The following TAF1B variants were observed in gnomAD, a reference collection of about 807,000 sequenced individuals.
TAF1B encodes the protein TATA-box binding protein associated factor, RNA polymerase I subunit B, also known as TATA box-binding protein-associated factor RNA polymerase I subunit B.
TAF1B carries 61 observed loss-of-function variants against 83.9 expected under a neutral mutation model. That is an observed-to-expected ratio of 0.73 (90% CI 0.59 to 0.90). TAF1B has a LOEUF of 0.90. TAF1B is among the 40% of genes least tolerant of loss of function. The pLI, the probability that TAF1B is intolerant of heterozygous loss-of-function variation, is 0.00. For missense variants in TAF1B, 625 were observed against 677.0 expected (o/e 0.92, Z 0.85); for synonymous variants, 221 against 224.6 (o/e 0.98, Z 0.14).
chr2:9,901,438 C>T (rs1572266024), intron 8 of TAF1B, among the ~76,000 whole-genome samples: 3 of 152,220 alleles, frequency 2.0e-5, no homozygotes, highest in Non-Finnish European at 1.5e-5. Flanking sequence ...CATGTATCAG[C>T]TTTTAGTGTG....
Position 9,919,658 on chromosome 2 carries a change from G to GAA in TAF1B, c.1410_1411dup (p.Ser471LysfsTer29). The GAA allele has an allele frequency of 6.2e-7, 1 of 1,613,182 alleles. No homozygotes were observed. Among genetic ancestry groups the GAA allele is most frequent in the Non-Finnish European group, 8.5e-7 (1 of 1,179,524 alleles). On this transcript the variant is annotated frameshift_variant, in exon 14 of 15. Coordinates refer to ENST00000263663, the MANE Select transcript of TAF1B (RefSeq NM_005680.3). LOFTEE classifies it high-confidence loss of function. ...CTGGTCGAGTCAACAGCAACTGCTG[G>GAA]AAAAAAAAGCCCTTCAAGTTTTCAG...
chr2:9,845,337 T>A lies in TAF1B; in HGVS notation c.117+19T>A, dbSNP rs549219713. ...TACAGAGGTAAGTAACAAATATCAT[T>A]TATGAATTTGCTTATGTTTTAAAAA... On this transcript the variant is annotated intron_variant, in intron 2 of 14. Coordinates refer to ENST00000263663, the MANE Select transcript of TAF1B (RefSeq NM_005680.3). 75 of 1,598,622 alleles carry A rather than the reference T, an allele frequency of 4.7e-5. No individual in the cohort carries two copies. In the South Asian group the frequency reaches 7.7e-4, roughly 16 times the overall value.
At chr2:9,920,322 C>CA (rs1380764960) in intron 14 of TAF1B, among the ~76,000 whole-genome samples, 2 of 152,152 alleles carry the variant, frequency 1.3e-5, no homozygotes, top group African/African-American at 4.8e-5. Flanking sequence ...ATAGCAGGAT[C>CA]AAGTTCAGGA....
chr2:9,916,184 G>A (rs1412570328), intron 12 of TAF1B, among the ~76,000 whole-genome samples: 2 of 152,202 alleles, frequency 1.3e-5, no homozygotes, highest in Non-Finnish European at 2.9e-5. Context: ...GAACTACACT[G>A]AAAAGAGTAA....
intron 6 of TAF1B, among the ~76,000 whole-genome samples, chr2:9,873,353 TTG>T (rs1664226225): frequency 6.6e-6 from 1 of 152,216 alleles, no homozygotes; most frequent in Non-Finnish European, 1.5e-5. Context: ...TTTTGAGACT[TTG>T]TGTTTAAGAA....
chr2:9,902,588 A>G (rs961774488), intron 8 of TAF1B, among the ~76,000 whole-genome samples: 1 of 152,226 alleles, frequency 6.6e-6, no homozygotes, highest in Non-Finnish European at 1.5e-5. Flanking sequence ...CACTTACTGA[A>G]CACTGTTCTA....
At chr2:9,923,189 GAGCACACCACTGCACTC>G (rs1269962368) in intron 14 of TAF1B, among the ~76,000 whole-genome samples, 3 of 145,360 alleles carry the variant, frequency 2.1e-5, no homozygotes, top group African/African-American at 7.7e-5. Context: ...AGTGAGCTGA[GAGCACACCACTGCACTC>G]CAGCCTGGGC....
rs1168845334 is a variant in TAF1B at position 9,851,635 on chromosome 2, A to G, written c.300A>G (p.Leu100=). Residue 100 remains leucine (L), a synonymous_variant, in exon 4 of 15, where the codon TTA becomes TTG. Coordinates refer to ENST00000263663, the MANE Select transcript of TAF1B (RefSeq NM_005680.3). The part of the protein sequence containing the change: ...ALKNLGVGPE[L]KNDVLHNFWK... ...AGAACCTTGGAGTAGGCCCAGAGTT[A>G]AAGGTAAGTACATTTGTGACTAGAT... The G allele has an allele frequency of 1.2e-6, 2 of 1,607,266 alleles. No individual in the cohort carries two copies. Among genetic ancestry groups the G allele is most frequent in the East Asian group, 2.2e-5 (1 of 44,762 alleles).
At chr2:9,876,968 A>G (rs531024515) in intron 7 of TAF1B, among the ~76,000 whole-genome samples, 70 of 152,306 alleles carry the variant, frequency 4.6e-4, no homozygotes, top group African/African-American at 1.7e-3. Flanking sequence ...AGCCCCTTTG[A>G]TTAAATGTAA....
At chr2:9,919,169 A>G (rs1254430265) in intron 13 of TAF1B, 58 bp downstream of exon 13, 2 of 1,419,568 alleles carry the variant, frequency 1.4e-6, no homozygotes, top group Non-Finnish European at 2.0e-6. Flanking sequence ...GAAAAATTAA[A>G]TATCTGGACT....
At chr2:9,885,380 AAAG>A (rs1223824732) in intron 8 of TAF1B, among the ~76,000 whole-genome samples, 2 of 152,382 alleles carry the variant, frequency 1.3e-5, no homozygotes, top group East Asian at 3.9e-4. Context: ...ACTGGTACAG[AAAG>A]AATAATTGAT....
At chr2:9,862,994 C>T in intron 5 of TAF1B, among the ~76,000 whole-genome samples, 1 of 152,118 alleles carries the variant, frequency 6.6e-6, no homozygotes, top group Admixed American at 6.5e-5. Flanking sequence ...AAAAACATGC[C>T]AAATTGTAAA....
chr2:9,874,840 G>C (rs1180742499), intron 6 of TAF1B, among the ~76,000 whole-genome samples: 1 of 152,130 alleles, frequency 6.6e-6, no homozygotes, highest in Non-Finnish European at 1.5e-5. Flanking sequence ...AGGGGACATG[G>C]GAGTTGAGGT....
In TAF1B at chr2:9,881,297, C is replaced by T. The variant is rs550061608; in HGVS notation, c.708-1409C>T. ...AGGCTGCAGTGAGCTGAGATCATGCCACTGCACTCCAGGCTGGGCGACAGT... is the reference window on the plus strand; with the variant it reads ...AGGCTGCAGTGAGCTGAGATCATGCTACTGCACTCCAGGCTGGGCGACAGT... On this transcript the variant is annotated intron_variant, in intron 7 of 14. Coordinates refer to ENST00000263663, the MANE Select transcript of TAF1B (RefSeq NM_005680.3). 3.1e-4 allele frequency among the ~76,000 whole-genome samples: 47 copies of T among 151,882 alleles called. No individual in the cohort carries two copies. In the South Asian group the frequency reaches 9.1e-3, roughly 30 times the overall value.
At chr2:9,855,296 G>A (rs1663526471) in intron 5 of TAF1B, among the ~76,000 whole-genome samples, 1 of 152,180 alleles carries the variant, frequency 6.6e-6, no homozygotes, top group African/African-American at 2.4e-5. Flanking sequence ...CGCCCAGCCA[G>A]TTGGATAATT....
chr2:9,931,507 C>T (rs1269908773), intron 14 of TAF1B, among the ~76,000 whole-genome samples: 1 of 152,202 alleles, frequency 6.6e-6, no homozygotes, highest in East Asian at 1.9e-4. Flanking sequence ...CCGCTTTCTT[C>T]TGGCTTGTAG....
chr2:9,926,186 A>G (rs933325507), intron 14 of TAF1B, among the ~76,000 whole-genome samples: 3 of 152,190 alleles, frequency 2.0e-5, no homozygotes, highest in African/African-American at 4.8e-5. Context: ...AAGTAAAACC[A>G]TAATACCATT....
intron 12 of TAF1B, among the ~76,000 whole-genome samples, 154 bp from the exon 13 acceptor site, chr2:9,918,887 G>C (rs962892990): frequency 6.6e-6 from 1 of 152,142 alleles, no homozygotes; most frequent in South Asian, 2.1e-4. Flanking sequence ...TCCTTCTAGG[G>C]CCTAAGTTCA....
chr2:9,898,849 A>G (rs1665097330), intron 8 of TAF1B, among the ~76,000 whole-genome samples: 1 of 151,406 alleles, frequency 6.6e-6, no homozygotes, highest in Non-Finnish European at 1.5e-5. Context: ...AATTTTTTAA[A>G]TTTCCAGCTT....
Sources: allele counts gnomAD v4.1 joint callset (sites outside exome capture counted in the v4.1 genomes callset), GRCh38; gene constraint gnomAD v4.1.1; transcripts MANE v1.5; gene names NCBI Gene and HGNC (gene_info 2026-07-23, HGNC 2026-07-21).